SUGCT: variants seen among roughly 807,000 people sequenced by gnomAD.
The protein encoded by SUGCT is succinyl-CoA:glutarate-CoA transferase.
In SUGCT, 41 loss-of-function variants were observed where a neutral mutation model predicts 55.0. The observed-to-expected ratio is 0.74, with a 90% confidence interval of 0.58 to 0.97. The LOEUF (loss-of-function observed/expected upper bound fraction) is 0.97, where lower values mean the gene tolerates loss of function less well. SUGCT is among the 50% of genes least tolerant of loss of function. The pLI is 0.00. For missense variants in SUGCT, 568 were observed against 547.8 expected (o/e 1.04, Z -0.37); for synonymous variants, 187 against 200.4 (o/e 0.93, Z 0.56).
At chr7:40,726,322 G>A (rs1338298999) in intron 12 of SUGCT, among the ~76,000 whole-genome samples, 1 of 152,030 alleles carries the variant, frequency 6.6e-6, no homozygotes, top group African/African-American at 2.4e-5. Flanking sequence ...GGAAAAAAAT[G>A]TTATTAAGAA....
At chr7:40,239,184 G>T (rs1369484732) in intron 7 of SUGCT, among the ~76,000 whole-genome samples, 1 of 152,074 alleles carries the variant, frequency 6.6e-6, no homozygotes, top group Non-Finnish European at 1.5e-5. Context: ...GGGCTCAATA[G>T]ATTCTCCAAC....
At chr7:40,167,522 G>A (rs903107144) in intron 1 of SUGCT, among the ~76,000 whole-genome samples, 13 of 152,154 alleles carry the variant, frequency 8.5e-5, no homozygotes, top group Non-Finnish European at 1.6e-4. Flanking sequence ...CCAAGATGGC[G>A]GCAAGCCTTT....
At chr7:40,678,192 G>C (rs1562941240) in intron 12 of SUGCT, among the ~76,000 whole-genome samples, 1 of 152,312 alleles carries the variant, frequency 6.6e-6, no homozygotes, top group Middle Eastern at 3.4e-3. Flanking sequence ...GGACATCAAA[G>C]GCATAGCTAG....
chr7:40,222,706 G>T (rs1175804187), intron 6 of SUGCT, among the ~76,000 whole-genome samples: 1 of 152,094 alleles, frequency 6.6e-6, no homozygotes, highest in Non-Finnish European at 1.5e-5. Context: ...GCTGGGTGTG[G>T]TGTGTGTGCC....
intron 8 of SUGCT, among the ~76,000 whole-genome samples, chr7:40,281,485 G>C (rs886689658): frequency 1.4e-4 from 22 of 152,254 alleles, no homozygotes; most frequent in African/African-American, 4.8e-4. Flanking sequence ...GTAATATGTA[G>C]CTTTTATTGT....
intron 13 of SUGCT, among the ~76,000 whole-genome samples, chr7:40,826,391 C>T (rs956654601): frequency 9.2e-5 from 14 of 152,086 alleles, no homozygotes; most frequent in Middle Eastern, 3.4e-3. Context: ...ACCTGTAAGA[C>T]CAAGCATTAT....
intron 12 of SUGCT, among the ~76,000 whole-genome samples, chr7:40,586,582 T>A (rs909721368): frequency 4.6e-5 from 7 of 151,730 alleles, no homozygotes; most frequent in Admixed American, 1.3e-4. Flanking sequence ...TCTGAGGTGA[T>A]TGACAGTGTT....
intron 12 of SUGCT, among the ~76,000 whole-genome samples, chr7:40,678,671 A>G (rs1028058008): frequency 6.6e-6 from 1 of 152,234 alleles, no homozygotes; most frequent in African/African-American, 2.4e-5. Context: ...TTGTTTTTCC[A>G]GTAGTGAACT....
intron 9 of SUGCT, among the ~76,000 whole-genome samples, chr7:40,320,796 T>C (rs1390066132): frequency 6.6e-6 from 1 of 152,218 alleles, no homozygotes; most frequent in Non-Finnish European, 1.5e-5. Flanking sequence ...TTTACTTATT[T>C]TAAAATTAGA....
At chr7:40,432,588 A>G (rs1358275672) in intron 9 of SUGCT, among the ~76,000 whole-genome samples, 1 of 149,532 alleles carries the variant, frequency 6.7e-6, no homozygotes, top group Non-Finnish European at 1.5e-5. Flanking sequence ...CGGGAGGCTG[A>G]GGCAGGAGAA....
intron 13 of SUGCT, among the ~76,000 whole-genome samples, chr7:40,757,350 T>C (rs1386316362): frequency 6.6e-6 from 1 of 152,170 alleles, no homozygotes; most frequent in Non-Finnish European, 1.5e-5. Flanking sequence ...GAAGAAATAT[T>C]TTGTGAGACC....
chr7:40,716,316 A>G (rs1247727027), intron 12 of SUGCT, among the ~76,000 whole-genome samples: 2 of 152,208 alleles, frequency 1.3e-5, no homozygotes, highest in Non-Finnish European at 2.9e-5. Flanking sequence ...GCTGGATCCT[A>G]TTACATATAA....
At chr7:40,558,710 G>GC (rs1381878524) in intron 12 of SUGCT, among the ~76,000 whole-genome samples, 20 of 152,332 alleles carry the variant, frequency 1.3e-4, no homozygotes, top group African/African-American at 4.6e-4. Flanking sequence ...GCACAACATT[G>GC]AGAATGTACT....
rs563706474 is a variant in SUGCT, at chr7:40,335,356, G to A, written c.816+18501G>A. On this transcript the variant is annotated intron_variant, in intron 9 of 13. Transcript: ENST00000335693. ...CCTTGGGCAGTATGGCCATTTTCAC[G>A]ATATTGATTCTTCCTATCCATGAGC... Among the ~76,000 whole-genome samples, 1,227 of 151,664 alleles carry A rather than the reference G, an allele frequency of 8.1e-3. 10 individuals are homozygous for A. Among genetic ancestry groups the A allele is most frequent in the Non-Finnish European group, 9.3e-3 (630 of 67,876 alleles).
At chr7:40,322,632 C>T (rs190006728) in intron 9 of SUGCT, among the ~76,000 whole-genome samples, 172 of 152,210 alleles carry the variant, frequency 1.1e-3, no homozygotes, top group African/African-American at 3.9e-3. Context: ...CCCAAGAGGC[C>T]GGTCTTGAGA....
At chr7:40,574,888 G>T (rs1796641902) in intron 12 of SUGCT, among the ~76,000 whole-genome samples, 1 of 152,146 alleles carries the variant, frequency 6.6e-6, no homozygotes, top group African/African-American at 2.4e-5. Context: ...GGAGAGTTAG[G>T]TTGGCCTAAC....
chr7:40,764,783 C>A (rs1186991982), intron 13 of SUGCT, among the ~76,000 whole-genome samples: 2 of 152,110 alleles, frequency 1.3e-5, no homozygotes, highest in African/African-American at 4.8e-5. Flanking sequence ...CTATTTCATC[C>A]CTCTGCTACC....
At chr7:41,010,462 G>C in the SUGCT span, among the ~76,000 whole-genome samples, 1 of 152,234 alleles carries the variant, frequency 6.6e-6, no homozygotes, top group Non-Finnish European at 1.5e-5. Context: ...GAGAATGGAA[G>C]GTAGGAACTT....
chr7:40,188,721 C>A, intron 4 of SUGCT, 141 bp downstream of exon 4: 1 of 543,786 alleles, frequency 1.8e-6, no homozygotes. Flanking sequence ...AAATTCTATT[C>A]ATTTACCATT....
Sources: allele counts gnomAD v4.1 joint callset (sites outside exome capture counted in the v4.1 genomes callset), GRCh38; gene constraint gnomAD v4.1.1; transcripts MANE v1.5; gene names NCBI Gene and HGNC (gene_info 2026-07-23, HGNC 2026-07-21).